CDIN1: variants seen among roughly 807,000 people sequenced by gnomAD.
The protein encoded by CDIN1 is CDAN1 interacting nuclease 1.
In CDIN1, 33 loss-of-function variants were observed where a neutral mutation model predicts 45.3. The observed-to-expected ratio is 0.73, with a 90% confidence interval of 0.55 to 0.97. The LOEUF (loss-of-function observed/expected upper bound fraction) is 0.97. CDIN1 is among the 50% of genes least tolerant of loss of function. The pLI, the probability that CDIN1 is intolerant of heterozygous loss-of-function variation, is 0.00. For missense variants in CDIN1, 303 were observed against 339.4 expected (o/e 0.89, Z 0.84); for synonymous variants, 118 against 124.4 (o/e 0.95, Z 0.34).
intron 8 of CDIN1, among the ~76,000 whole-genome samples, chr15:36,701,122 G>GTAGGTAGGTAGA (rs1221792455): frequency 6.7e-5 from 7 of 103,806 alleles, no homozygotes; most frequent in African/African-American, 3.3e-4. Flanking sequence ...AGATAGGTAG[G>GTAGGTAGGTAGA]TAGATAGATA....
At chr15:36,601,313 T>C (rs529218229) in intron 1 of CDIN1, among the ~76,000 whole-genome samples, 113 of 152,306 alleles carry the variant, frequency 7.4e-4, no homozygotes, top group African/African-American at 2.6e-3. Flanking sequence ...AGATTTGTGA[T>C]TGGAGATTTG....
intron 10 of CDIN1, among the ~76,000 whole-genome samples, chr15:36,762,310 TGAG>T (rs1165351640): frequency 6.6e-6 from 1 of 152,184 alleles, no homozygotes; most frequent in African/African-American, 2.4e-5. Context: ...AAAAGCTTCT[TGAG>T]GGGGCAGTGA....
chr15:36,784,461 A>G (rs1277258425), intron 10 of CDIN1, among the ~76,000 whole-genome samples: 3 of 152,262 alleles, frequency 2.0e-5, no homozygotes, highest in Non-Finnish European at 4.4e-5. Context: ...CCATCCACAG[A>G]TAATGCAATT....
At chr15:36,647,839 A>ATT (rs11288490) in intron 3 of CDIN1, among the ~76,000 whole-genome samples, 1 of 100,454 alleles carries the variant, frequency 1.0e-5, no homozygotes, top group African/African-American at 3.8e-5. Context: ...TTGTGATAGT[A>ATT]TTTTTTTTTT....
At chr15:36,592,350 AT>A (rs2037618507) in intron 1 of CDIN1, among the ~76,000 whole-genome samples, 1 of 152,178 alleles carries the variant, frequency 6.6e-6, no homozygotes, top group South Asian at 2.1e-4. Context: ...AAATTGGCAA[AT>A]GGTACAACCT....
At chr15:36,663,764 C>T (rs1481261394) in intron 5 of CDIN1, among the ~76,000 whole-genome samples, 1 of 152,120 alleles carries the variant, frequency 6.6e-6, no homozygotes, top group Non-Finnish European at 1.5e-5. Flanking sequence ...ACAGAAATAG[C>T]TAAATCAACT....
At chr15:36,723,598 C>T (rs2043513682) in intron 10 of CDIN1, among the ~76,000 whole-genome samples, 1 of 152,128 alleles carries the variant, frequency 6.6e-6, no homozygotes, top group African/African-American at 2.4e-5. Context: ...CAAGGCTTCA[C>T]TTTGTCAGCC....
At chr15:36,735,450 TA>T (rs1162487285) in intron 10 of CDIN1, among the ~76,000 whole-genome samples, 1 of 152,122 alleles carries the variant, frequency 6.6e-6, no homozygotes, top group Admixed American at 6.5e-5. Context: ...TCAGTTATTT[TA>T]AATATGCTTA....
intron 10 of CDIN1, among the ~76,000 whole-genome samples, chr15:36,739,581 GA>G (rs1360842359): frequency 6.6e-6 from 1 of 152,172 alleles, no homozygotes; most frequent in African/African-American, 2.4e-5. Context: ...AGTATGTTTG[GA>G]GATCGTGTTA....
chr15:36,629,753 G>T (rs1489341523), intron 1 of CDIN1, among the ~76,000 whole-genome samples: 3 of 152,288 alleles, frequency 2.0e-5, no homozygotes, highest in Non-Finnish European at 4.4e-5. Flanking sequence ...TATTGAATTT[G>T]AAGTTACTGC....
At chr15:36,621,374 A>T (rs1364238763) in intron 1 of CDIN1, among the ~76,000 whole-genome samples, 2 of 152,228 alleles carry the variant, frequency 1.3e-5, no homozygotes, top group African/African-American at 4.8e-5. Context: ...CACTGCACGT[A>T]TCTGTACAAG....
At chr15:36,727,610 T>A (rs1409316396) in intron 10 of CDIN1, among the ~76,000 whole-genome samples, 1 of 152,192 alleles carries the variant, frequency 6.6e-6, no homozygotes, top group African/African-American at 2.4e-5. Context: ...AATAATTGAG[T>A]TATCTATCTT....
intron 10 of CDIN1, among the ~76,000 whole-genome samples, chr15:36,748,478 A>G (rs1167418123): frequency 1.3e-5 from 2 of 151,952 alleles, no homozygotes; most frequent in East Asian, 3.9e-4. Flanking sequence ...CTTGCCCAAC[A>G]AAGTTTGCCT....
At chr15:36,595,688 G>T (rs1461286318) in intron 1 of CDIN1, among the ~76,000 whole-genome samples, 7 of 152,174 alleles carry the variant, frequency 4.6e-5, no homozygotes, top group Non-Finnish European at 1.0e-4. Context: ...GATTGGAATG[G>T]CAGGAAACCA....
At chr15:36,786,383 G>A (rs1464666161) in intron 10 of CDIN1, among the ~76,000 whole-genome samples, 1 of 152,146 alleles carries the variant, frequency 6.6e-6, no homozygotes, top group African/African-American at 2.4e-5. Flanking sequence ...CTGAAACTGT[G>A]CTAAATGTAT....
chr15:36,701,078 A>T (rs955456077), intron 8 of CDIN1, among the ~76,000 whole-genome samples: 1 of 150,376 alleles, frequency 6.6e-6, no homozygotes, highest in East Asian at 2.0e-4. Context: ...TCTAACTAAA[A>T]TAGGTAGGTA....
rs767728530 is a variant in CDIN1 at position 36,808,526 on chromosome 15, A to G, written c.*73A>G. The G allele has an allele frequency of 6.4e-7, 1 of 1,565,818 alleles. No individual in the cohort carries two copies. The highest frequency in any genetic ancestry group is 8.7e-7 in the Non-Finnish European group (1 of 1,153,000). Reference sequence around the variant, plus strand: ...AGCAATTTTACTTTCCTGCACTGTAAGATCCTGGCAACATCTGCCCTGAAC... The same window carrying G: ...AGCAATTTTACTTTCCTGCACTGTAGGATCCTGGCAACATCTGCCCTGAAC... On this transcript the variant is annotated 3_prime_UTR_variant, in exon 11 of 11. Transcript: ENST00000566621.
intron 1 of CDIN1, among the ~76,000 whole-genome samples, chr15:36,621,537 G>T (rs544316637): frequency 6.6e-6 from 1 of 152,192 alleles, no homozygotes; most frequent in South Asian, 2.1e-4. Context: ...AACATACAAT[G>T]AAACTACCTG....
chr15:36,688,080 T>C (rs2042122820), intron 5 of CDIN1, among the ~76,000 whole-genome samples: 1 of 151,856 alleles, frequency 6.6e-6, no homozygotes, highest in South Asian at 2.1e-4. Flanking sequence ...ATGAATTTTA[T>C]AAAAATAGTA....
Sources: allele counts gnomAD v4.1 joint callset (sites outside exome capture counted in the v4.1 genomes callset), GRCh38; gene constraint gnomAD v4.1.1; transcripts MANE v1.5; gene names NCBI Gene and HGNC (gene_info 2026-07-23, HGNC 2026-07-21).